The following NAALADL2 variants were observed in gnomAD, a reference collection of about 807,000 sequenced individuals.
The protein encoded by NAALADL2 is inactive N-acetylated-alpha-linked acidic dipeptidase-like protein 2.
In NAALADL2, 76 loss-of-function variants were observed where a neutral mutation model predicts 87.2. That is an observed-to-expected ratio of 0.87 (90% CI 0.72 to 1.05). The LOEUF is 1.05. Ranked by LOEUF, NAALADL2 falls within the 50% of genes least tolerant of loss-of-function variation. The probability of loss-of-function intolerance (pLI) is 0.00; values close to 1 mark genes in which losing one functional copy is unlikely to be tolerated. For synonymous variants in NAALADL2, 354 were observed against 331.0 expected (o/e 1.07, Z -0.75); for missense variants, 1,089 against 945.8 (o/e 1.15, Z -1.99).
intron 2 of NAALADL2, among the ~76,000 whole-genome samples, chr3:174,563,287 AC>A (rs558983843): frequency 6.6e-6 from 1 of 151,752 alleles, no homozygotes; most frequent in South Asian, 2.1e-4. Context: ...TATGCTATAA[AC>A]CTTTTGGTGA....
chr3:175,292,690 T>C (rs1755787821), intron 4 of NAALADL2, among the ~76,000 whole-genome samples: 1 of 151,722 alleles, frequency 6.6e-6, no homozygotes, highest in African/African-American at 2.4e-5. Flanking sequence ...CATTCAACAA[T>C]TTTTTATTGA....
intron 4 of NAALADL2, among the ~76,000 whole-genome samples, chr3:175,274,786 G>A (rs149273736): frequency 2.0e-3 from 311 of 152,240 alleles, no homozygotes; most frequent in Non-Finnish European, 3.2e-3. Context: ...GATAACAGAA[G>A]CCCTTTGTCT....
chr3:175,095,852 A>G (rs766472731), intron 1 of NAALADL2, among the ~76,000 whole-genome samples: 2 of 152,136 alleles, frequency 1.3e-5, no homozygotes, highest in Non-Finnish European at 2.9e-5. Context: ...TTAAGTATAA[A>G]TACTCTTAAT....
intron 11 of NAALADL2, among the ~76,000 whole-genome samples, chr3:175,642,429 CAACTT>C (rs1324537400): frequency 6.6e-6 from 1 of 151,834 alleles, no homozygotes; most frequent in Non-Finnish European, 1.5e-5. Context: ...AAAAGTCTCA[CAACTT>C]AACACTTTTG....
At chr3:175,570,865 G>A (rs1717965438) in intron 9 of NAALADL2, among the ~76,000 whole-genome samples, 1 of 140,128 alleles carries the variant, frequency 7.1e-6, no homozygotes, top group African/African-American at 2.7e-5. Flanking sequence ...GGGTGACATA[G>A]TGAGACTCCA....
At chr3:174,654,225 T>A (rs534651977) in intron 2 of NAALADL2, among the ~76,000 whole-genome samples, 25 of 152,248 alleles carry the variant, frequency 1.6e-4, no homozygotes, top group African/African-American at 5.5e-4. Flanking sequence ...AATCATAAAA[T>A]TTTGTTAAGG....
chr3:175,087,184 TTAGA>T (rs1357440485), intron 1 of NAALADL2, among the ~76,000 whole-genome samples: 2 of 152,232 alleles, frequency 1.3e-5, no homozygotes, highest in African/African-American at 4.8e-5. Context: ...CGTATGCTGC[TTAGA>T]TAATTATTGA....
Position 175,097,204 on chromosome 3 carries a change from A to G in NAALADL2, c.458A>G (p.Asp153Gly), listed in dbSNP as rs1156743409. 3.7e-6 allele frequency: 6 copies of G among 1,613,280 alleles called. No homozygotes were observed. The highest frequency in any genetic ancestry group is 5.1e-6 in the Non-Finnish European group (6 of 1,179,382). ...GYYVHTNCPS[D>G]APSSGTVDPQ... ...TATGTACATACAAATTGCCCTTCAG[A>G]TGCTCCATCTTCAGGAACAGTTGAT... The change falls in exon 2 of 14, where the codon GAT becomes GGT. Residue 153 changes from aspartate to glycine, a missense_variant. By Grantham distance (94) the Asp-to-Gly change is moderately conservative (BLOSUM62 -1). Coordinates refer to ENST00000454872, the MANE Select transcript of NAALADL2 (RefSeq NM_207015.3).
chr3:175,346,197 A>G (rs769625632), intron 5 of NAALADL2, among the ~76,000 whole-genome samples: 2 of 152,186 alleles, frequency 1.3e-5, no homozygotes. Flanking sequence ...ATACAAAAAT[A>G]TGAATAAAAG....
intron 9 of NAALADL2, among the ~76,000 whole-genome samples, chr3:175,523,461 T>C (rs1327318798): frequency 6.6e-6 from 1 of 152,232 alleles, no homozygotes; most frequent in African/African-American, 2.4e-5. Flanking sequence ...GATAATCCAA[T>C]ATTCTGCACC....
intron 1 of NAALADL2, among the ~76,000 whole-genome samples, chr3:174,497,253 G>A (rs80056862): frequency 0.019 from 2,849 of 152,040 alleles, 95 homozygotes; most frequent in African/African-American, 0.059. Context: ...TGTCACTGGG[G>A]TCAGAGGAAG....
intron 13 of NAALADL2, among the ~76,000 whole-genome samples, chr3:175,771,976 G>A (rs555257399): frequency 2.2e-4 from 34 of 152,116 alleles, no homozygotes; most frequent in Non-Finnish European, 4.3e-4. Context: ...AGAACAGCAA[G>A]AGTTAACCAC....
chr3:175,593,073 T>C (rs1397613667), intron 10 of NAALADL2, among the ~76,000 whole-genome samples: 1 of 152,046 alleles, frequency 6.6e-6, no homozygotes, highest in Non-Finnish European at 1.5e-5. Context: ...TAGGTAAACC[T>C]GTACCATGAT....
At chr3:175,151,799 T>C (rs1057089341) in intron 2 of NAALADL2, among the ~76,000 whole-genome samples, 1 of 152,164 alleles carries the variant, frequency 6.6e-6, no homozygotes, top group Non-Finnish European at 1.5e-5. Context: ...GATTAAATAA[T>C]AGTAACAATA....
chr3:175,714,123 T>C (rs1048157405), intron 11 of NAALADL2, among the ~76,000 whole-genome samples: 1 of 152,174 alleles, frequency 6.6e-6, no homozygotes. Flanking sequence ...CTTTATCCAG[T>C]GTATTATTGA....
At chr3:175,619,520 G>T (rs1211568275) in intron 10 of NAALADL2, among the ~76,000 whole-genome samples, 2 of 151,682 alleles carry the variant, frequency 1.3e-5, no homozygotes, top group East Asian at 3.9e-4. Flanking sequence ...GTGCCTGGGG[G>T]AAATAGCCTC....
chr3:174,482,543 C>T (rs1717620428), intron 1 of NAALADL2, among the ~76,000 whole-genome samples: 1 of 151,992 alleles, frequency 6.6e-6, no homozygotes, highest in Admixed American at 6.6e-5. Context: ...TGAACATGTT[C>T]CTTATTGAGC....
chr3:174,606,776 T>C (rs1020699685), intron 2 of NAALADL2, among the ~76,000 whole-genome samples: 97 of 152,104 alleles, frequency 6.4e-4, no homozygotes, highest in Non-Finnish European at 7.6e-4. Flanking sequence ...ACTTCCCCAA[T>C]CTAGCAAGGC....
At chr3:174,948,387 G>A (rs1739795118) in intron 1 of NAALADL2, among the ~76,000 whole-genome samples, 1 of 152,128 alleles carries the variant, frequency 6.6e-6, no homozygotes. Flanking sequence ...ATGTTGGCCA[G>A]GCTGGTCTTG....
Sources: allele counts gnomAD v4.1 joint callset (sites outside exome capture counted in the v4.1 genomes callset), GRCh38; gene constraint gnomAD v4.1.1; transcripts MANE v1.5; gene names NCBI Gene and HGNC (gene_info 2026-07-23, HGNC 2026-07-21).